The following CCSER1 variants were observed in gnomAD, a reference collection of about 807,000 sequenced individuals.
The protein encoded by CCSER1 is coiled-coil serine rich protein 1.
Under a neutral mutation model 82.0 loss-of-function variants are expected in CCSER1, and 41 were observed. The observed-to-expected ratio is 0.50, with a 90% CI of 0.39 to 0.65. The LOEUF is 0.65. Among genes scored for constraint, CCSER1 ranks in the 30% least tolerant of loss-of-function variants. CCSER1 has a pLI of 0.00. For missense variants in CCSER1, 1,119 were observed against 1,064.2 expected (o/e 1.05, Z -0.72); for synonymous variants, 414 against 383.9 (o/e 1.08, Z -0.92).
At chr4:90,857,821 A>G (rs1361396080) in intron 8 of CCSER1, among the ~76,000 whole-genome samples, 3 of 152,108 alleles carry the variant, frequency 2.0e-5, no homozygotes, top group African/African-American at 7.2e-5. Flanking sequence ...TGCACAACAT[A>G]TGGACTACAG....
chr4:91,052,072 A>T (rs2148711405), intron 9 of CCSER1, among the ~76,000 whole-genome samples: 1 of 152,134 alleles, frequency 6.6e-6, no homozygotes, highest in African/African-American at 2.4e-5. Flanking sequence ...ATTTGAAATA[A>T]TTTTTTGATA....
chr4:90,271,841 TATATATATATATATA>T lies in CCSER1; in HGVS notation c.-41-36402_-41-36388del, dbSNP rs1355284151. Among the ~76,000 whole-genome samples, 15 of 23,564 alleles carry T rather than the reference TATATATATATATATA, an allele frequency of 6.4e-4. 1 individual carries two copies. The highest frequency in any genetic ancestry group is 4.0e-3 in the African/African-American group (12 of 2,966). The allele number at this position is 23,564 out of a possible 152,430, so 15.5% of individuals were successfully genotyped here. A position where few individuals can be genotyped will look rare whatever the true frequency, so the allele number is the denominator to read the frequency against. ...ACTGGACAATTTATATATATATATA[TATATATATATATATA>T]TATATATTTTTTTTTTTTTTTTTTT... On this transcript the variant is annotated intron_variant, in intron 1 of 10. Transcript: ENST00000509176.
chr4:90,457,935 C>T (rs939752623), intron 4 of CCSER1, among the ~76,000 whole-genome samples: 13 of 152,174 alleles, frequency 8.5e-5, no homozygotes, highest in Non-Finnish European at 1.9e-4. Context: ...TGCTTATCAG[C>T]ACCCAATGTC....
intron 8 of CCSER1, among the ~76,000 whole-genome samples, chr4:90,879,648 GGAA>G (rs1223684098): frequency 3.8e-4 from 57 of 148,702 alleles, no homozygotes; most frequent in African/African-American, 1.2e-3. Context: ...AGAAGAAAGA[GGAA>G]GAAGAAGAGG....
intron 1 of CCSER1, among the ~76,000 whole-genome samples, chr4:90,256,904 G>C (rs1376466115): frequency 6.6e-6 from 1 of 151,882 alleles, no homozygotes; most frequent in Non-Finnish European, 1.5e-5. Flanking sequence ...ATATTGCTTT[G>C]TTTTATAATT....
chr4:91,248,058 ACAACACACATATTGTAGT>A (rs1039349978), intron 10 of CCSER1, among the ~76,000 whole-genome samples: 1 of 152,142 alleles, frequency 6.6e-6, no homozygotes, highest in Non-Finnish European at 1.5e-5. Context: ...AGAAAACAAA[ACAACACACATATTGTAGT>A]AAGTCAAAAA....
At chr4:91,106,659 C>T (rs1465956996) in intron 10 of CCSER1, among the ~76,000 whole-genome samples, 1 of 152,176 alleles carries the variant, frequency 6.6e-6, no homozygotes, top group African/African-American at 2.4e-5. Flanking sequence ...GTGTCAGGTG[C>T]ATCCATTTGG....
intron 6 of CCSER1, among the ~76,000 whole-genome samples, chr4:90,634,243 A>G (rs886168652): frequency 1.3e-5 from 2 of 151,886 alleles, no homozygotes; most frequent in Non-Finnish European, 3.0e-5. Flanking sequence ...TTGAAAATTT[A>G]TATAATTTAC....
At chr4:90,362,112 C>T (rs1305118874) in intron 3 of CCSER1, among the ~76,000 whole-genome samples, 1 of 152,132 alleles carries the variant, frequency 6.6e-6, no homozygotes, top group Non-Finnish European at 1.5e-5. Flanking sequence ...CAAATACTGA[C>T]ACTCTGGTTA....
At chr4:90,179,288 T>C (rs930218415) in intron 1 of CCSER1, among the ~76,000 whole-genome samples, 5 of 152,146 alleles carry the variant, frequency 3.3e-5, no homozygotes, top group Admixed American at 2.0e-4. Context: ...AACCTAAGGA[T>C]AGGATATGGA....
At chr4:91,577,071 C>A (rs1377678615) in intron 10 of CCSER1, among the ~76,000 whole-genome samples, 1 of 151,966 alleles carries the variant, frequency 6.6e-6, no homozygotes, top group Non-Finnish European at 1.5e-5. Context: ...AACATTGGTG[C>A]ATAGCTTACT....
chr4:91,175,951 G>T (rs965255115), intron 10 of CCSER1, among the ~76,000 whole-genome samples: 1 of 152,096 alleles, frequency 6.6e-6, no homozygotes, highest in African/African-American at 2.4e-5. Flanking sequence ...GGGTTTTTAT[G>T]GCTTAGGTCT....
intron 1 of CCSER1, among the ~76,000 whole-genome samples, chr4:90,284,676 T>C (rs1729540867): frequency 6.7e-6 from 1 of 148,778 alleles, no homozygotes; most frequent in Admixed American, 6.9e-5. Context: ...GTATTTTTCA[T>C]AGAGACAGGG....
rs541145193 is a variant in CCSER1 at position 90,932,972 on chromosome 4, A to G, written c.2172+9525A>G. ...AAAGAAAGAAAGAAAGAAAGAAAGA[A>G]AGAAAGAAAGAGAAAGAAAGAAAGA... On this transcript the variant is annotated intron_variant, in intron 9 of 10. Coordinates refer to ENST00000509176, the MANE Select transcript of CCSER1 (RefSeq NM_001145065.2). Among the ~76,000 whole-genome samples, 355 of 40,086 alleles carry G rather than the reference A, an allele frequency of 8.9e-3. 86 individuals carry two copies. Among genetic ancestry groups the G allele is most frequent in the African/African-American group, 0.03 (168 of 5,608 alleles). 26.3% of individuals were successfully genotyped at this position (40,086 alleles called of 152,430 possible).
intron 5 of CCSER1, among the ~76,000 whole-genome samples, chr4:90,571,479 A>C (rs777179963): frequency 2.0e-5 from 3 of 152,198 alleles, no homozygotes; most frequent in Non-Finnish European, 2.9e-5. Context: ...TTATCCTAAG[A>C]AGATTAATGC....
intron 4 of CCSER1, among the ~76,000 whole-genome samples, chr4:90,446,595 C>T (rs1049108419): frequency 1.3e-5 from 2 of 152,004 alleles, no homozygotes; most frequent in Non-Finnish European, 2.9e-5. Context: ...TGGAATGTGA[C>T]TTGTCATAAA....
chr4:91,385,098 T>C (rs997868240), intron 10 of CCSER1, among the ~76,000 whole-genome samples: 1 of 152,072 alleles, frequency 6.6e-6, no homozygotes, highest in Non-Finnish European at 1.5e-5. Flanking sequence ...ATCCTGAAGA[T>C]ACAGGCCCAA....
At chr4:90,647,345 TG>T (rs1479204661) in intron 6 of CCSER1, among the ~76,000 whole-genome samples, 1 of 152,158 alleles carries the variant, frequency 6.6e-6, no homozygotes, top group Non-Finnish European at 1.5e-5. Context: ...TTTTTGTTGT[TG>T]TTGTTGTTTC....
At chr4:90,583,642 C>T (rs2148651691) in intron 5 of CCSER1, among the ~76,000 whole-genome samples, 1 of 152,010 alleles carries the variant, frequency 6.6e-6, no homozygotes, top group African/African-American at 2.4e-5. Context: ...GGGAAGTATC[C>T]TTAGTATTGA....
Sources: gnomAD v4.1 joint callset for allele counts (sites outside exome capture counted in the v4.1 genomes callset) on GRCh38, gnomAD v4.1.1 for gene constraint, MANE v1.5 for transcripts, NCBI Gene and HGNC (gene_info 2026-07-23, HGNC 2026-07-21) for gene names.